PDE3A: variants seen among roughly 807,000 people sequenced by gnomAD.
PDE3A encodes phosphodiesterase 3A, also known as cGMP-inhibited 3',5'-cyclic phosphodiesterase 3A.
PDE3A carries 43 observed loss-of-function variants against 98.3 expected under a neutral mutation model. The ratio of observed to expected loss-of-function variants is 0.44; its 90% CI spans 0.34 to 0.56. The LOEUF (loss-of-function observed/expected upper bound fraction) is 0.56. PDE3A is among the 20% of genes least tolerant of loss of function. The pLI is 0.01. For missense variants in PDE3A, 1,427 were observed against 1,440.7 expected, an observed-to-expected ratio of 0.99 and a Z score of 0.15; for synonymous variants, 663 against 567.9, an observed-to-expected ratio of 1.17 and a Z score of -2.38.
intron 1 of PDE3A, among the ~76,000 whole-genome samples, chr12:20,427,469 G>A (rs1944619978): frequency 6.6e-6 from 1 of 152,040 alleles, no homozygotes; most frequent in Non-Finnish European, 1.5e-5. Flanking sequence ...TTTCATTCTT[G>A]TATCTTGAAA....
chr12:20,613,099 A>G (rs1164572033), intron 2 of PDE3A, among the ~76,000 whole-genome samples: 2 of 152,192 alleles, frequency 1.3e-5, no homozygotes, highest in East Asian at 1.9e-4. Context: ...TAAAGAACAT[A>G]GATGTAAAAT....
At chr12:20,567,117 G>C (rs747277166) in intron 2 of PDE3A, among the ~76,000 whole-genome samples, 1 of 151,926 alleles carries the variant, frequency 6.6e-6, no homozygotes, top group Non-Finnish European at 1.5e-5. Flanking sequence ...TGAATTTGCA[G>C]CAGCCAGTTT....
intron 1 of PDE3A, among the ~76,000 whole-genome samples, chr12:20,420,754 G>A (rs1944498955): frequency 6.6e-6 from 1 of 152,172 alleles, no homozygotes; most frequent in African/African-American, 2.4e-5. Context: ...TGCACACCGG[G>A]TTCTCTGAAA....
chr12:20,609,086 G>A (rs1943783829), intron 2 of PDE3A, among the ~76,000 whole-genome samples: 1 of 151,944 alleles, frequency 6.6e-6, no homozygotes, highest in Non-Finnish European at 1.5e-5. Context: ...TGTTAGCTAA[G>A]TGGCATTTTT....
intron 1 of PDE3A, among the ~76,000 whole-genome samples, chr12:20,478,346 C>T (rs903494336): frequency 6.6e-6 from 1 of 151,832 alleles, no homozygotes; most frequent in Non-Finnish European, 1.5e-5. Context: ...ATCAGGCATA[C>T]ATAACCTAGG....
In PDE3A at chr12:20,616,327, C is replaced by T. The variant is rs909933349; in HGVS notation, c.1367C>T (p.Ala456Val). The change falls in exon 4 of 16, where the codon GCA becomes GTA. Residue 456 changes from alanine to valine, a missense_variant. Around this residue, in one of 3 missense-constraint regions of PDE3A, gnomAD observed 1,012 missense variants for 886.5 expected, o/e 1.14. Transcript: ENST00000359062. ...ACAGGTCTACCCACCTTGGAGCCTG[C>T]ACCAGTACGGAGAGACCGCAGCACC... The part of the protein sequence containing the change: ...SATGLPTLEP[A>V]PVRRDRSTSI... 1 of 1,613,912 alleles carries T rather than the reference C, an allele frequency of 6.2e-7. No individual in the cohort carries two copies. Among genetic ancestry groups the T allele is most frequent in the Admixed American group, 1.7e-5 (1 of 59,988 alleles).
intron 1 of PDE3A, among the ~76,000 whole-genome samples, chr12:20,554,443 C>G (rs905896180): frequency 1.3e-5 from 2 of 149,860 alleles, no homozygotes; most frequent in Non-Finnish European, 3.0e-5. Flanking sequence ...TGAGTATTTA[C>G]CTGGATTTTA....
At chr12:20,440,927 G>GA (rs397760298) in intron 1 of PDE3A, among the ~76,000 whole-genome samples, 1 of 151,068 alleles carries the variant, frequency 6.6e-6, no homozygotes, top group Non-Finnish European at 1.5e-5. Context: ...GTAAAAGGAG[G>GA]AGAAAACTAC....
chr12:20,626,076 A>G (rs1011608492), intron 5 of PDE3A, among the ~76,000 whole-genome samples: 1 of 152,096 alleles, frequency 6.6e-6, no homozygotes, highest in Non-Finnish European at 1.5e-5. Flanking sequence ...GAGATTTTCA[A>G]AGGTTTTAAC....
chr12:20,488,879 CAAAA>C (rs5796863), intron 1 of PDE3A, among the ~76,000 whole-genome samples: 6 of 118,950 alleles, frequency 5.0e-5, no homozygotes, highest in Admixed American at 1.7e-4. Context: ...TCCCTGTCTC[CAAAA>C]AAAAAAAAAA....
rs764068025 is a variant in PDE3A at position 20,370,009 on chromosome 12, A to G, written c.725A>G (p.Tyr242Cys). 1.2e-6 allele frequency: 2 copies of G among 1,612,920 alleles called. No homozygotes were observed. Among genetic ancestry groups the G allele is most frequent in the Admixed American group, 1.7e-5 (1 of 60,004 alleles). ...GTCGCCTGGAGACCTTACCTGGCGTACCTGGCCGGCGTGCTGGGGATCCTC... is the reference window on the plus strand; with the variant it reads ...GTCGCCTGGAGACCTTACCTGGCGTGCCTGGCCGGCGTGCTGGGGATCCTC... ...FKVAWRPYLA[Y>C]LAGVLGILLA... The change falls in exon 1 of 16, where the codon TAC (tyrosine) becomes TGC (cysteine). Residue 242 changes from tyrosine to cysteine, a missense_variant. By Grantham distance (194) the Tyr-to-Cys change is radical (BLOSUM62 -2). Coordinates refer to ENST00000359062, the MANE Select transcript of PDE3A (RefSeq NM_000921.5).
chr12:20,511,365 C>A (rs557890365), intron 1 of PDE3A, among the ~76,000 whole-genome samples: 1 of 150,942 alleles, frequency 6.6e-6, no homozygotes, highest in African/African-American at 2.4e-5. Context: ...CAGGAATATA[C>A]GAGAAAAGCT....
At chr12:20,476,124 T>C (rs112173671) in intron 1 of PDE3A, among the ~76,000 whole-genome samples, 1,890 of 152,312 alleles carry the variant, frequency 0.012, 44 homozygotes, top group African/African-American at 0.043. Context: ...TCCTTTCTTT[T>C]GAGATATAAA....
chr12:20,381,898 A>G (rs1943670540), intron 1 of PDE3A, among the ~76,000 whole-genome samples: 1 of 151,814 alleles, frequency 6.6e-6, no homozygotes, highest in African/African-American at 2.4e-5. Context: ...AATTATTCTT[A>G]TATAACTATA....
At chr12:20,659,911 A>C (rs546114472) in intron 15 of PDE3A, among the ~76,000 whole-genome samples, 1 of 152,352 alleles carries the variant, frequency 6.6e-6, no homozygotes, top group African/African-American at 2.4e-5. Context: ...TGAATGCTTT[A>C]GTAAAGTCTA....
At chr12:20,637,899 G>T (rs1944554857) in intron 9 of PDE3A, among the ~76,000 whole-genome samples, 1 of 152,100 alleles carries the variant, frequency 6.6e-6, no homozygotes, top group Non-Finnish European at 1.5e-5. Context: ...TGATGGATTT[G>T]CTGTACTATG....
chr12:20,584,783 A>G (rs754577934), intron 2 of PDE3A, among the ~76,000 whole-genome samples: 4 of 152,106 alleles, frequency 2.6e-5, no homozygotes, highest in Non-Finnish European at 5.9e-5. Context: ...AATATTCTGA[A>G]TGTCTTCCTT....
intron 1 of PDE3A, among the ~76,000 whole-genome samples, chr12:20,385,667 T>G (rs1565532121): frequency 6.6e-6 from 1 of 151,524 alleles, no homozygotes; most frequent in Non-Finnish European, 1.5e-5. Context: ...GAAACCATCA[T>G]TCTCAGCAAA....
intron 1 of PDE3A, among the ~76,000 whole-genome samples, chr12:20,548,485 A>G (rs989837867): frequency 2.0e-5 from 3 of 152,106 alleles, no homozygotes; most frequent in Admixed American, 1.3e-4. Flanking sequence ...ACTCTTATCA[A>G]CTAGAATATA....
Sources: gnomAD v4.1 joint callset for allele counts (sites outside exome capture counted in the v4.1 genomes callset) on GRCh38, gnomAD v4.1.1 for gene constraint, gnomAD v4.1.1 regional missense constraint, MANE v1.5 for transcripts, NCBI Gene and HGNC (gene_info 2026-07-23, HGNC 2026-07-21) for gene names.